Variants in SPSB4 observed in about 807,000 individuals in gnomAD.
SPSB4 encodes SPRY domain-containing SOCS box protein 4.
In SPSB4, 21 loss-of-function variants were observed where a neutral mutation model predicts 20.9. That is an observed-to-expected ratio of 1.01 (90% CI 0.71 to 1.45). The LOEUF is 1.45. Among genes scored for constraint, SPSB4 ranks in the 40% most tolerant of loss-of-function variants. SPSB4 has a pLI of 0.00. For missense variants in SPSB4, 399 were observed against 399.2 expected, an observed-to-expected ratio of 1.00 and a Z score of 0.00; for synonymous variants, 207 against 183.8, an observed-to-expected ratio of 1.13 and a Z score of -1.02.
intron 1 of SPSB4, among the ~76,000 whole-genome samples, chr3:141,056,038 T>G (rs1346715032): frequency 1.3e-5 from 2 of 152,162 alleles, no homozygotes; most frequent in South Asian, 2.1e-4. Context: ...GAAACTGAAG[T>G]TGAAGCAATG....
intron 2 of SPSB4, among the ~76,000 whole-genome samples, chr3:141,110,427 G>A (rs113846579): frequency 2.4e-4 from 37 of 152,286 alleles, no homozygotes; most frequent in African/African-American, 8.2e-4. Flanking sequence ...TACTGCCTTG[G>A]AGCTTTATAT....
At chr3:141,131,460 G>C (rs557496611) in intron 2 of SPSB4, among the ~76,000 whole-genome samples, 1 of 152,072 alleles carries the variant, frequency 6.6e-6, no homozygotes. Context: ...CTCAATTCAA[G>C]CAGCAGAAAA....
At position 141,147,437 on chromosome 3, in the gene SPSB4, G is replaced by A; in HGVS notation, c.*168G>A. 8.4e-7 allele frequency: 1 copy of A among 1,193,274 alleles called. No homozygotes were observed. 73.9% of individuals were successfully genotyped at this position (1,193,274 alleles called of 1,614,324 possible). On this transcript the variant is annotated 3_prime_UTR_variant, in exon 3 of 3. Coordinates refer to ENST00000310546, the MANE Select transcript of SPSB4 (RefSeq NM_080862.3). ...TGTGGTACCAACTTTGGAAACGAAA[G>A]GTCTCTTGCCAACAGTATCTACTGC... is the stretch of plus-strand genomic sequence containing the variant.
chr3:141,109,711 A>G (rs985158499), intron 2 of SPSB4, among the ~76,000 whole-genome samples: 1 of 151,464 alleles, frequency 6.6e-6, no homozygotes, highest in African/African-American at 2.4e-5. Context: ...GCAGCCTTGT[A>G]TCAAGCCTCT....
rs80038375 is a variant in SPSB4 at position 141,130,894 on chromosome 3, T to A, written c.695-16248T>A. On this transcript the variant is annotated intron_variant, in intron 2 of 2. Transcript: ENST00000310546. ...AATATTCAGATCACTGGAGAACTTT[T>A]GAAATGATTACCTTGTCATATTTTT... is the stretch of plus-strand genomic sequence containing the variant. 7.4e-3 allele frequency among the ~76,000 whole-genome samples: 1,126 copies of A among 152,350 alleles called. 20 individuals are homozygous for A. Among genetic ancestry groups the A allele is most frequent in the African/African-American group, 0.025 (1,058 of 41,574 alleles).
At chr3:141,137,755 T>A (rs147046321) in intron 2 of SPSB4, among the ~76,000 whole-genome samples, 2 of 152,336 alleles carry the variant, frequency 1.3e-5, no homozygotes, top group Non-Finnish European at 1.5e-5. Flanking sequence ...TACTGAGGAT[T>A]TTTGCATCAA....
chr3:141,094,402 T>C (rs1938511948), intron 2 of SPSB4, among the ~76,000 whole-genome samples: 1 of 152,158 alleles, frequency 6.6e-6, no homozygotes, highest in Admixed American at 6.5e-5. Context: ...GAGTCTCTGC[T>C]CCTGCCCTCT....
intron 2 of SPSB4, among the ~76,000 whole-genome samples, chr3:141,079,950 G>T (rs35612770): frequency 6.6e-6 from 1 of 152,172 alleles, no homozygotes; most frequent in Non-Finnish European, 1.5e-5. Context: ...GTGAGGCTCA[G>T]GGGTCAGCAG....
At chr3:141,067,064 T>C (rs1937900676) in intron 2 of SPSB4, among the ~76,000 whole-genome samples, 1 of 152,214 alleles carries the variant, frequency 6.6e-6, no homozygotes, top group Non-Finnish European at 1.5e-5. Flanking sequence ...CTCACAGTTG[T>C]GAAGATCTAG....
rs886719273 is a variant in SPSB4, at chr3:141,138,922, G to T, written c.695-8220G>T. On this transcript the variant is annotated intron_variant, in intron 2 of 2. Coordinates refer to ENST00000310546, the MANE Select transcript of SPSB4 (RefSeq NM_080862.3). The stretch of plus-strand genomic sequence containing the variant: ...TTTCTGTCTCGTTGATCTGTCTAAT[G>T]TTGACAGTGGGGTGTTAAAGTCTCC... Among the ~76,000 whole-genome samples, 5 of 152,160 alleles carry T rather than the reference G, an allele frequency of 3.3e-5. 1 individual carries two copies. Among genetic ancestry groups the T allele is most frequent in the Non-Finnish European group, 7.3e-5 (5 of 68,028 alleles).
chr3:141,063,093 CTTTA>C (rs1332495184), intron 1 of SPSB4, among the ~76,000 whole-genome samples: 3 of 152,126 alleles, frequency 2.0e-5, no homozygotes, highest in Admixed American at 1.3e-4. Context: ...GGATCGCATT[CTTTA>C]TTATTATTAA....
chr3:141,128,080 C>A (rs370964128), intron 2 of SPSB4, among the ~76,000 whole-genome samples: 1 of 152,150 alleles, frequency 6.6e-6, no homozygotes, highest in Non-Finnish European at 1.5e-5. Context: ...TCTGAAGAGA[C>A]GGCCCTGCGG....
intron 2 of SPSB4, among the ~76,000 whole-genome samples, chr3:141,116,147 C>A (rs1483925642): frequency 6.6e-6 from 1 of 152,148 alleles, no homozygotes; most frequent in African/African-American, 2.4e-5. Flanking sequence ...TCAACTGTGC[C>A]AGTTAGTCTC....
chr3:141,053,021 T>G (rs1208690092), intron 1 of SPSB4, among the ~76,000 whole-genome samples: 2 of 152,168 alleles, frequency 1.3e-5, no homozygotes, highest in Non-Finnish European at 2.9e-5. Flanking sequence ...AGTTCTCAGT[T>G]CTGGAGTCAG....
In SPSB4 at chr3:141,066,554, C is replaced by T; in HGVS notation, c.450C>T (p.Tyr150=). Residue 150 remains tyrosine, a synonymous_variant, in exon 2 of 3, where the codon TAC becomes TAT. Coordinates refer to ENST00000310546, the MANE Select transcript of SPSB4 (RefSeq NM_080862.3). ...GGGACCTGGGCCGCAGCCGCCTCTA[C>T]CACGACGGCAAGAACCAGCCCGGCG... The part of the protein sequence containing the change: ...WGWDLGRSRL[Y]HDGKNQPGVA... 2 of 1,530,318 alleles carry T rather than the reference C, an allele frequency of 1.3e-6. No individual in the cohort carries two copies. The highest frequency in any genetic ancestry group is 1.3e-5 in the South Asian group (1 of 78,656). 94.8% of individuals were successfully genotyped at this position (1,530,318 alleles called of 1,614,324 possible).
chr3:141,073,314 A>G (rs1938040721), intron 2 of SPSB4, among the ~76,000 whole-genome samples: 1 of 152,196 alleles, frequency 6.6e-6, no homozygotes, highest in South Asian at 2.1e-4. Flanking sequence ...CATCTTGCGC[A>G]CCTGATGAAG....
At chr3:141,057,632 A>G (rs1169851749) in intron 1 of SPSB4, among the ~76,000 whole-genome samples, 1 of 152,154 alleles carries the variant, frequency 6.6e-6, no homozygotes, top group Non-Finnish European at 1.5e-5. Context: ...CCAAAGAGAC[A>G]TCATGTCCCC....
At position 141,060,793 on chromosome 3, in the gene SPSB4, AT is replaced by A. The variant is rs548275009; in HGVS notation, c.-153-5152del. ...CACATTCTCCAAGCATGCGTTATCC[AT>A]TTTTTTGACCTTTAATAAGCTGATA... On this transcript the variant is annotated intron_variant, in intron 1 of 2. Coordinates refer to ENST00000310546, the MANE Select transcript of SPSB4 (RefSeq NM_080862.3). Among the ~76,000 whole-genome samples the A allele has an allele frequency of 2.3e-3, 357 of 152,238 alleles. 2 individuals are homozygous for A. The highest frequency in any genetic ancestry group is 8.3e-3 in the African/African-American group (343 of 41,550).
At chr3:141,063,494 T>C (rs79364052) in intron 1 of SPSB4, among the ~76,000 whole-genome samples, 4,251 of 152,338 alleles carry the variant, frequency 0.028, 100 homozygotes, top group Middle Eastern at 0.048. Context: ...ATCTGCAAGA[T>C]GTGTATTTTT....
Sources: allele counts gnomAD v4.1 joint callset (sites outside exome capture counted in the v4.1 genomes callset), GRCh38; gene constraint gnomAD v4.1.1; transcripts MANE v1.5; gene names NCBI Gene and HGNC (gene_info 2026-07-23, HGNC 2026-07-21).